The following MYO1H variants were observed in gnomAD, a reference collection of about 807,000 sequenced individuals.
MYO1H encodes the protein myosin IH.
In MYO1H, 118 loss-of-function variants were observed where a neutral mutation model predicts 149.3. That is an observed-to-expected ratio of 0.79 (90% CI 0.68 to 0.92). The LOEUF (loss-of-function observed/expected upper bound fraction) is 0.92, where lower values mean the gene tolerates loss of function less well. Among genes scored for constraint, MYO1H ranks in the 40% least tolerant of loss-of-function variants. MYO1H has a pLI of 0.00. For missense variants in MYO1H, 1,212 were observed against 1,280.7 expected, an observed-to-expected ratio of 0.95 and a Z score of 0.82; for synonymous variants, 447 against 465.2, an observed-to-expected ratio of 0.96 and a Z score of 0.50.
upstream of MYO1H, among the ~76,000 whole-genome samples, chr12:109,345,219 CT>C (rs1399599399): frequency 6.6e-6 from 1 of 152,098 alleles, no homozygotes; most frequent in African/African-American, 2.4e-5. Flanking sequence ...AGATAAAGTT[CT>C]AGTATCCAGA....
the MYO1H span, among the ~76,000 whole-genome samples, chr12:109,318,704 A>G: frequency 8.5e-5 from 13 of 152,144 alleles, no homozygotes; most frequent in Non-Finnish European, 1.6e-4. Context: ...ATGAAAAACA[A>G]GGAAGCAGGA....
chr12:109,410,694 C>T (rs1293634002), exon 13 of MYO1H: 2 of 1,594,324 alleles, frequency 1.3e-6, no homozygotes, highest in Admixed American at 1.7e-5. Context: ...TTAGTGGGAG[C>T]CAATTAAATA....
chr12:109,438,575 G>T, exon 23 of MYO1H: 1 of 1,613,370 alleles, frequency 6.2e-7, no homozygotes, highest in Non-Finnish European at 8.5e-7. Context: ...GCCCTGGCTC[G>T]GAAGGCAATC....
At chr12:109,408,047 C>A in intron 10 of MYO1H, 134 bp downstream of exon 10, 1 of 1,103,548 alleles carries the variant, frequency 9.1e-7, no homozygotes, top group Non-Finnish European at 1.3e-6. Flanking sequence ...TTTCCCTATT[C>A]ACATTTCCCA....
chr12:109,355,668 T>A (rs1312835141), intron 1 of MYO1H, among the ~76,000 whole-genome samples: 2 of 152,078 alleles, frequency 1.3e-5, no homozygotes, highest in African/African-American at 4.8e-5. Context: ...TTTTGTTTTT[T>A]TGGTTTGTTT....
intron 23 of MYO1H, 156 bp from the exon 24 acceptor site, chr12:109,439,469 TGAAATC>T: frequency 2.7e-6 from 1 of 364,248 alleles, no homozygotes. Context: ...GCCGTGTGGG[TGAAATC>T]GAACATATAT....
chr12:109,381,768 G>T (rs1168905068), intron 1 of MYO1H, among the ~76,000 whole-genome samples: 1 of 152,184 alleles, frequency 6.6e-6, no homozygotes, highest in East Asian at 1.9e-4. Context: ...GGAGGTTGCA[G>T]TGAGTCAATA....
At chr12:109,416,947 C>A (rs1050157220) in intron 15 of MYO1H, among the ~76,000 whole-genome samples, 2 of 151,092 alleles carry the variant, frequency 1.3e-5, no homozygotes, top group African/African-American at 4.9e-5. Flanking sequence ...GCAGAGGTTG[C>A]GGTGAGTTGA....
In MYO1H at chr12:109,366,889, TTA is replaced by T. The variant is rs369595066; in HGVS notation, c.12+18919_12+18920del. On this transcript the variant is annotated intron_variant, in intron 1 of 31. Transcript: ENST00000310903. ...GCAAAATGCCCGCAAATCCGAAACTTTATGAGTGCCCACTTGATGCTCAAAGG... is the reference window on the plus strand; with the variant it reads ...GCAAAATGCCCGCAAATCCGAAACTTTGAGTGCCCACTTGATGCTCAAAGG... Among the ~76,000 whole-genome samples the T allele has an allele frequency of 2.2e-4, 34 of 152,326 alleles. 1 individual carries two copies. The highest frequency in any genetic ancestry group is 4.4e-4 in the Non-Finnish European group (30 of 68,036).
chr12:109,418,200 C>A (rs1233511201), intron 15 of MYO1H, among the ~76,000 whole-genome samples: 1 of 151,544 alleles, frequency 6.6e-6, no homozygotes, highest in Admixed American at 6.6e-5. Flanking sequence ...ATACAATTTG[C>A]AAATATTTTC....
chr12:109,327,122 C>CTTTTTTTTTTTTTT, the MYO1H span, among the ~76,000 whole-genome samples: 34 of 111,390 alleles, frequency 3.1e-4, 4 homozygotes, highest in African/African-American at 7.2e-4. Context: ...TTTTCTTTTT[C>CTTTTTTTTTTTTTT]TTTTTCTTTT....
At chr12:109,442,480 G>A (rs1313524741) in intron 27 of MYO1H, among the ~76,000 whole-genome samples, 9 of 152,130 alleles carry the variant, frequency 5.9e-5, no homozygotes, top group Admixed American at 1.3e-4. Context: ...TGACACCTCC[G>A]TCACCCTAGA....
chr12:109,447,464 G>A (rs185078243), exon 32 of MYO1H: 23 of 547,752 alleles, frequency 4.2e-5, no homozygotes, highest in Admixed American at 1.2e-4. Context: ...TGTTCAGTGC[G>A]CAGTCCAACG....
intron 1 of MYO1H, among the ~76,000 whole-genome samples, chr12:109,365,808 C>T (rs1868853774): frequency 6.6e-6 from 1 of 152,104 alleles, no homozygotes; most frequent in African/African-American, 2.4e-5. Flanking sequence ...CCATTTAGAC[C>T]AGGGGTACCC....
At chr12:109,414,588 AT>A (rs1870823166) in intron 14 of MYO1H, among the ~76,000 whole-genome samples, 1 of 152,138 alleles carries the variant, frequency 6.6e-6, no homozygotes, top group Non-Finnish European at 1.5e-5. Flanking sequence ...AAGATTTAAA[AT>A]TGTTCTTTGT....
In MYO1H at chr12:109,444,309, TA is replaced by T; in HGVS notation, c.2895+30del. 5 of 1,606,496 alleles carry T rather than the reference TA, an allele frequency of 3.1e-6. No individual in the cohort carries two copies. The South Asian group carries it at 3.3e-5, about 11-fold the overall frequency. On this transcript the variant is annotated intron_variant, in intron 29 of 31. Coordinates refer to ENST00000310903, the Ensembl canonical transcript of MYO1H. ...GTAATTGACAGCCACCAGTCTCTACTAAAAGACAGAAACAATACACTGCCAA... is the reference window on the plus strand; with the variant it reads ...GTAATTGACAGCCACCAGTCTCTACTAAAGACAGAAACAATACACTGCCAA...
chr12:109,328,140 G>A, the MYO1H span, among the ~76,000 whole-genome samples: 2 of 139,924 alleles, frequency 1.4e-5, no homozygotes, highest in Non-Finnish European at 3.0e-5. Context: ...ACACACACAC[G>A]CATATATATA....
At chr12:109,337,511 G>A in the MYO1H span, among the ~76,000 whole-genome samples, 5 of 152,264 alleles carry the variant, frequency 3.3e-5, no homozygotes, top group East Asian at 9.6e-4. Context: ...GAAACTGAAG[G>A]GGAAGCAAGA....
chr12:109,361,329 A>G (rs1464090312), intron 1 of MYO1H, among the ~76,000 whole-genome samples: 1 of 151,620 alleles, frequency 6.6e-6, no homozygotes, highest in Non-Finnish European at 1.5e-5. Context: ...CCTCCACTTA[A>G]CTCCCTTCAT....
Sources: allele counts gnomAD v4.1 joint callset (sites outside exome capture counted in the v4.1 genomes callset), GRCh38; gene constraint gnomAD v4.1.1; transcripts MANE v1.5; gene names NCBI Gene and HGNC (gene_info 2026-07-23, HGNC 2026-07-21).